The following MAST4 variants were observed in gnomAD, a reference collection of about 807,000 sequenced individuals.
MAST4 encodes microtubule associated serine/threonine kinase family member 4.
In MAST4, 89 loss-of-function variants were observed where a neutral mutation model predicts 162.7. That is an observed-to-expected ratio of 0.55 (90% CI 0.46 to 0.65). The LOEUF is 0.65. MAST4 is among the 30% of genes least tolerant of loss of function. The probability of loss-of-function intolerance (pLI) is 0.00; values close to 1 mark genes in which losing one functional copy is unlikely to be tolerated. For synonymous variants in MAST4, 1,479 were observed against 1,361.1 expected (o/e 1.09, Z -1.91); for missense variants, 3,153 against 3,374.0 (o/e 0.93, Z 1.62).
intron 4 of MAST4, among the ~76,000 whole-genome samples, chr5:66,984,481 G>A (rs1219905818): frequency 1.3e-5 from 2 of 152,260 alleles, no homozygotes; most frequent in East Asian, 1.9e-4. Flanking sequence ...TTTAAGTTCC[G>A]GGATATAAGT....
chr5:66,753,035 C>G lies in MAST4; in HGVS notation c.364-6674C>G, dbSNP rs2149597710. On this transcript the variant is annotated intron_variant, in intron 1 of 28. Transcript: ENST00000403625. ...CTCAACTACATGGAAACTGAACAAC[C>G]TGCTCCTGAATGACTACTGGGTACA... 2.0e-5 allele frequency among the ~76,000 whole-genome samples: 3 copies of G among 150,702 alleles called. No homozygotes were observed. The Middle Eastern group carries it at 0.01, about 523-fold the overall frequency.
chr5:67,039,903 G>A (rs1756507315), intron 4 of MAST4, among the ~76,000 whole-genome samples: 1 of 151,622 alleles, frequency 6.6e-6, no homozygotes, highest in Admixed American at 6.6e-5. Flanking sequence ...GGGTTACAAG[G>A]CTATAAGATT....
chr5:67,072,915 A>G (rs975429806), intron 5 of MAST4, among the ~76,000 whole-genome samples: 1 of 152,230 alleles, frequency 6.6e-6, no homozygotes, highest in Non-Finnish European at 1.5e-5. Context: ...TGTTATGAAT[A>G]ATGGAAAGAT....
chr5:67,016,929 G>T (rs1214731475), intron 4 of MAST4, among the ~76,000 whole-genome samples: 1 of 152,156 alleles, frequency 6.6e-6, no homozygotes, highest in Non-Finnish European at 1.5e-5. Context: ...GCAATACAAT[G>T]GGTATGCCAG....
chr5:67,036,259 G>A (rs1244199341), intron 4 of MAST4, among the ~76,000 whole-genome samples: 1 of 152,106 alleles, frequency 6.6e-6, no homozygotes, highest in Admixed American at 6.6e-5. Context: ...TTTCTGCTTA[G>A]AAATTGTGGC....
intron 4 of MAST4, chr5:66,916,861 C>T (rs1162829742): frequency 1.6e-6 from 1 of 610,296 alleles, no homozygotes. Context: ...AACCATTTTC[C>T]TATTAACTGA....
intron 13 of MAST4, 110 bp from the exon 14 acceptor site, chr5:67,120,907 T>C (rs1256201062): frequency 4.0e-6 from 3 of 751,540 alleles, no homozygotes; most frequent in Non-Finnish European, 6.5e-6. Flanking sequence ...TGGAATACTG[T>C]ACTTCAACAT....
intron 1 of MAST4, among the ~76,000 whole-genome samples, chr5:66,598,432 G>A (rs1015817442): frequency 1.3e-5 from 2 of 152,188 alleles, no homozygotes; most frequent in Admixed American, 1.3e-4. Context: ...TTCGAATCAG[G>A]AATTTCAGAT....
chr5:66,811,532 A>G (rs1398965788), intron 3 of MAST4, among the ~76,000 whole-genome samples: 1 of 152,226 alleles, frequency 6.6e-6, no homozygotes, highest in Non-Finnish European at 1.5e-5. Context: ...TTATTCAAAT[A>G]AATTGGATGC....
In MAST4 at chr5:67,069,287, G is replaced by GATATATATATATATATATATATATATAT. The variant is rs6149054; in HGVS notation, c.763+14820_763+14821insTATATATATATATATATATATATATATA. On this transcript the variant is annotated intron_variant, in intron 5 of 28. Transcript: ENST00000403625. ...CCTTTTCTGTTAAAGGAGGAGATTGGATATATATATATATATATATATATA... is the reference window on the plus strand; with the variant it reads ...CCTTTTCTGTTAAAGGAGGAGATTGGATATATATATATATATATATATATATATATATATATATATATATATATATATA... Among the ~76,000 whole-genome samples the GATATATATATATATATATATATATATAT allele has an allele frequency of 8.6e-4, 92 of 107,588 alleles. 2 individuals carry two copies. Among genetic ancestry groups the GATATATATATATATATATATATATATAT allele is most frequent in the African/African-American group, 3.2e-3 (78 of 24,424 alleles). The allele number at this position is 107,588 out of a possible 152,430, so 70.6% of individuals were successfully genotyped here. A position where few individuals can be genotyped will look rare whatever the true frequency, so the allele number is the denominator to read the frequency against.
intron 1 of MAST4, among the ~76,000 whole-genome samples, chr5:66,628,033 T>C (rs1360931822): frequency 6.6e-6 from 1 of 152,140 alleles, no homozygotes; most frequent in East Asian, 1.9e-4. Context: ...TGTTTGTTGT[T>C]GTTGTTTCTT....
intron 1 of MAST4, 40 bp from the exon 2 acceptor site, chr5:66,759,669 G>A (rs1396213462): frequency 4.4e-6 from 7 of 1,608,984 alleles, no homozygotes; most frequent in Admixed American, 1.7e-5. Context: ...AGGCTGTGTT[G>A]ATGCCCTAGC....
chr5:66,733,607 G>A (rs1295814763), intron 1 of MAST4, among the ~76,000 whole-genome samples: 2 of 151,996 alleles, frequency 1.3e-5, no homozygotes, highest in Non-Finnish European at 1.5e-5. Context: ...ACAGGCGCCC[G>A]CCACCACGCC....
intron 5 of MAST4, among the ~76,000 whole-genome samples, chr5:67,082,777 A>G (rs1165349283): frequency 3.3e-5 from 5 of 152,226 alleles, no homozygotes; most frequent in Admixed American, 2.0e-4. Flanking sequence ...TTTAAATAGT[A>G]TTAAAATCCA....
rs150449396 is a variant in MAST4, at chr5:66,957,424, C to T, written c.674+57442C>T. Among the ~76,000 whole-genome samples, 61 of 152,218 alleles carry T rather than the reference C, an allele frequency of 4.0e-4. No individual in the cohort carries two copies. The East Asian group carries it at 0.011, about 28-fold the overall frequency. ...CTGCTGGACTCAAACCGTCTTCCCG[C>T]CTCAACCTTCTGAGTAGCTGGGATC... On this transcript the variant is annotated intron_variant, in intron 4 of 28. Transcript: ENST00000403625.
At chr5:67,029,429 A>G (rs1293618736) in intron 4 of MAST4, among the ~76,000 whole-genome samples, 1 of 152,160 alleles carries the variant, frequency 6.6e-6, no homozygotes, top group African/African-American at 2.4e-5. Context: ...CGGGATGTAA[A>G]CATCTTTGCT....
At chr5:66,747,821 C>A (rs941025853) in intron 1 of MAST4, among the ~76,000 whole-genome samples, 1 of 152,186 alleles carries the variant, frequency 6.6e-6, no homozygotes, top group African/African-American at 2.4e-5. Flanking sequence ...CAGTTAGCCT[C>A]CCTGGCCTGT....
intron 1 of MAST4, among the ~76,000 whole-genome samples, chr5:66,656,468 T>C (rs16895420): frequency 0.027 from 4,063 of 152,248 alleles, 200 homozygotes; most frequent in African/African-American, 0.091. Context: ...ATTAACTCCA[T>C]TTAACAGGGA....
chr5:66,661,233 TG>T (rs1258690885), intron 1 of MAST4, among the ~76,000 whole-genome samples: 3 of 152,178 alleles, frequency 2.0e-5, no homozygotes, highest in Non-Finnish European at 4.4e-5. Context: ...GATGTTCCTT[TG>T]GGAAATCCAG....
Sources: allele counts gnomAD v4.1 joint callset (sites outside exome capture counted in the v4.1 genomes callset), GRCh38; gene constraint gnomAD v4.1.1; transcripts MANE v1.5; gene names NCBI Gene and HGNC (gene_info 2026-07-23, HGNC 2026-07-21).